Variants in MTERF2 observed in about 807,000 individuals in gnomAD.
MTERF2 encodes transcription termination factor 2, mitochondrial.
In MTERF2, 23 loss-of-function variants were observed where a neutral mutation model predicts 29.2. The observed-to-expected ratio is 0.79, with a 90% confidence interval of 0.57 to 1.12. MTERF2 has a LOEUF of 1.12. MTERF2 is among the 50% of genes most tolerant of loss of function. The probability of loss-of-function intolerance (pLI) is 0.00; values close to 1 mark genes in which losing one functional copy is unlikely to be tolerated. For missense variants in MTERF2, 440 were observed against 429.4 expected, an observed-to-expected ratio of 1.02 and a Z score of -0.22; for synonymous variants, 157 against 159.5, an observed-to-expected ratio of 0.98 and a Z score of 0.12.
chr12:106,977,357 A>C lies in MTERF2; in HGVS notation c.*200T>G, dbSNP rs1350722280. ...ATAATGGTTCAAGGTAAAAGTTACC[A>C]ACCTTATTAAAATAAATATGATTTA... On this transcript the variant is annotated 3_prime_UTR_variant, in exon 3 of 3. Coordinates refer to ENST00000240050, the MANE Select transcript of MTERF2 (RefSeq NM_001033050.3). The C allele has an allele frequency of 2.2e-6, 1 of 463,552 alleles. No homozygotes were observed. The highest frequency in any genetic ancestry group is 4.4e-5 in the South Asian group (1 of 22,644). 28.7% of individuals were successfully genotyped at this position (463,552 alleles called of 1,614,324 possible). A position where few individuals can be genotyped will look rare whatever the true frequency, so the allele number is the denominator to read the frequency against.
In MTERF2 at chr12:106,978,002, C is replaced by T; in HGVS notation, c.713G>A (p.Gly238Asp). The T allele has an allele frequency of 6.2e-7, 1 of 1,614,104 alleles. No individual in the cohort carries two copies. Among genetic ancestry groups the T allele is most frequent in the Non-Finnish European group, 8.5e-7 (1 of 1,180,002 alleles). ...KETLEFLQEQ[G>D]FTSFEILQLL... ...CTGGAGAATTTCAAAGCTGGTGAAA[C>T]CTTGCTCCTGGAGAAATTCTAGTGT... The change falls in exon 3 of 3, where the codon GGT becomes GAT. Residue 238 changes from glycine (G) to aspartate (D), a missense_variant. Transcript: ENST00000240050.
In MTERF2 at chr12:106,978,124, A is replaced by G; in HGVS notation, c.591T>C (p.Asp197=). ...MVRILQESYL[D]VGGSEANMKV... is the part of the protein sequence containing the mutation. ...TCATGTTGGCCTCAGAGCCACCTACATCTAGATAACTCTCTTGGAGAATTC... is the reference window on the plus strand; with the variant it reads ...TCATGTTGGCCTCAGAGCCACCTACGTCTAGATAACTCTCTTGGAGAATTC... The change falls in exon 3 of 3, where the codon GAT becomes GAC. Residue 197 remains aspartate, a synonymous_variant. Transcript: ENST00000240050. 3 of 1,614,176 alleles carry G rather than the reference A, an allele frequency of 1.9e-6. No homozygotes were observed. The highest frequency in any genetic ancestry group is 2.5e-6 in the Non-Finnish European group (3 of 1,180,032).
chr12:106,984,291 C>A (rs776462020), intron 2 of MTERF2, among the ~76,000 whole-genome samples: 1 of 152,190 alleles, frequency 6.6e-6, no homozygotes, highest in Admixed American at 6.5e-5. Flanking sequence ...CTTTTCCCTG[C>A]CCAAACCCTA....
intron 2 of MTERF2, chr12:106,980,724 A>C (rs1163516705): frequency 6.6e-6 from 1 of 152,146 alleles, no homozygotes; most frequent in Non-Finnish European, 1.5e-5. Context: ...CTGAAAGAAA[A>C]GAAGAAAGCA....
Position 106,978,164 on chromosome 12 carries a change from T to C in MTERF2, c.551A>G (p.Asn184Ser). 1 of 1,614,084 alleles carries C rather than the reference T, an allele frequency of 6.2e-7. No individual in the cohort carries two copies. Among genetic ancestry groups the C allele is most frequent in the Non-Finnish European group, 8.5e-7 (1 of 1,180,026 alleles). ...PNVFHNPVEK[N>S]KQMVRILQES... The stretch of plus-strand genomic sequence containing the variant: ...TTGGAGAATTCTTACCATTTGCTTA[T>C]TCTTCTCAACAGGATTATGAAAAAC... The change falls in exon 3 of 3, where the codon AAT becomes AGT. Residue 184 changes from asparagine to serine, a missense_variant. Transcript: ENST00000240050.
Position 106,977,546 on chromosome 12 carries a change from C to A in MTERF2, c.*11G>T. On this transcript the variant is annotated 3_prime_UTR_variant, in exon 3 of 3. Coordinates refer to ENST00000240050, the MANE Select transcript of MTERF2 (RefSeq NM_001033050.3). ...CTGCACTGCTAGAAAGAAGCAACAA[C>A]AGTCAGTATGTCATTCTTCAACATT... 6.3e-7 allele frequency: 1 copy of A among 1,591,156 alleles called. No individual in the cohort carries two copies. The highest frequency in any genetic ancestry group is 8.5e-7 in the Non-Finnish European group (1 of 1,170,660).
At position 106,977,744 on chromosome 12, in the gene MTERF2, TC is replaced by T; in HGVS notation, c.970del (p.Glu324AsnfsTer2). On this transcript the variant is annotated frameshift_variant, in exon 3 of 3. Transcript: ENST00000240050. LOFTEE classifies it high-confidence loss of function. Reference protein sequence around the residue: ...AQIRETPMVLELTPQIVQYRI... With the variant: ...AQIRETPMVLXLTPQIVQYRI... The stretch of plus-strand genomic sequence containing the variant: ...GTACTGTACTATCTGTGGTGTTAAT[TC>T]AAGAACCATTGGCGTCTCTCTTATC... The T allele has an allele frequency of 6.2e-7, 1 of 1,613,996 alleles. No individual in the cohort carries two copies. The highest frequency in any genetic ancestry group is 1.1e-5 in the South Asian group (1 of 91,080).
Position 106,978,183 on chromosome 12 carries a change from G to T in MTERF2, c.532C>A (p.His178Asn). 1 of 1,613,942 alleles carries T rather than the reference G, an allele frequency of 6.2e-7. No individual in the cohort carries two copies. Among genetic ancestry groups the T allele is most frequent in the Non-Finnish European group, 8.5e-7 (1 of 1,180,018 alleles). ...RLLTAAPNVF[H>N]NPVEKNKQMV... The stretch of plus-strand genomic sequence containing the variant: ...TGCTTATTCTTCTCAACAGGATTAT[G>T]AAAAACATTAGGTGCAGCTGTCAAA... The change falls in exon 3 of 3, where the codon CAT (histidine) becomes AAT (asparagine). Residue 178 changes from histidine to asparagine, a missense_variant. Physicochemically the swap from His to Asn is moderately conservative, Grantham distance 68 (BLOSUM62 1). Transcript: ENST00000240050.
chr12:106,978,341 T>A lies in MTERF2; in HGVS notation c.374A>T (p.Asn125Ile). Residue 125 changes from asparagine (N) to isoleucine (I), a missense_variant, in exon 3 of 3, where the codon AAT (asparagine) becomes ATT (isoleucine). Transcript: ENST00000240050. The part of the protein sequence containing the change: ...QRKLWQLVCK[N>I]EEELIKLIEQ... ...TATTAACTTGATTAACTCTTCCTCA[T>A]TTTTGCAGACCAACTGCCAGAGTTT... 6.2e-7 allele frequency: 1 copy of A among 1,614,188 alleles called. No individual in the cohort carries two copies. The highest frequency in any genetic ancestry group is 8.5e-7 in the Non-Finnish European group (1 of 1,180,028).
chr12:106,985,852 G>A (rs1952108336), intron 1 of MTERF2: 1 of 152,180 alleles, frequency 6.6e-6, no homozygotes, highest in Non-Finnish European at 1.5e-5. Context: ...AGGCATACTA[G>A]GCACAGATCT....
chr12:106,979,179 A>G (rs147156270), intron 2 of MTERF2, among the ~76,000 whole-genome samples: 2 of 152,340 alleles, frequency 1.3e-5, no homozygotes, highest in African/African-American at 4.8e-5. Context: ...TTATTTTCAT[A>G]CAAATTCCCT....
chr12:106,982,075 G>C (rs1952058303), intron 2 of MTERF2, among the ~76,000 whole-genome samples: 2 of 152,128 alleles, frequency 1.3e-5, no homozygotes, highest in Admixed American at 1.3e-4. Context: ...CTGTGCAGGA[G>C]CCTCTGTCAG....
chr12:106,983,281 G>T (rs1333220359), intron 2 of MTERF2, among the ~76,000 whole-genome samples: 1 of 152,016 alleles, frequency 6.6e-6, no homozygotes, highest in Non-Finnish European at 1.5e-5. Context: ...CACCAACTCT[G>T]TCTCTGTGCC....
At chr12:106,984,876 A>C (rs1160025305) in intron 2 of MTERF2, among the ~76,000 whole-genome samples, 4 of 152,200 alleles carry the variant, frequency 2.6e-5, no homozygotes, top group Non-Finnish European at 1.5e-5. Context: ...CTTTATCAGC[A>C]GCATGAAAAA....
Position 106,985,155 on chromosome 12 carries a change from T to C in MTERF2, c.-98A>G, listed in dbSNP as rs1019685259. The C allele has an allele frequency of 1.3e-5, 2 of 152,356 alleles. No individual in the cohort carries two copies. The highest frequency in any genetic ancestry group is 6.5e-5 in the Admixed American group (1 of 15,294). The allele number at this position is 152,356 out of a possible 1,614,324, so 9.4% of individuals were successfully genotyped here. On this transcript the variant is annotated 5_prime_UTR_variant, in exon 2 of 3. Coordinates refer to ENST00000240050, the MANE Select transcript of MTERF2 (RefSeq NM_001033050.3). ...CACAGATCTTGTCCTCATCCAGATA[T>C]TCAGTTCATCCACTTGGGATTCTTT...
At chr12:106,979,743 T>C (rs564467169) in intron 2 of MTERF2, among the ~76,000 whole-genome samples, 4 of 152,332 alleles carry the variant, frequency 2.6e-5, no homozygotes, top group Non-Finnish European at 4.4e-5. Context: ...CCACTTGACA[T>C]GTGTAGGTAT....
chr12:106,983,393 T>C (rs749485042), intron 2 of MTERF2, among the ~76,000 whole-genome samples: 1 of 152,240 alleles, frequency 6.6e-6, no homozygotes, highest in Non-Finnish European at 1.5e-5. Context: ...ACTTTTTATA[T>C]GTGGGGTCAT....
chr12:106,980,016 G>GCCTC (rs1382917777), intron 2 of MTERF2, among the ~76,000 whole-genome samples: 1 of 152,098 alleles, frequency 6.6e-6, no homozygotes, highest in Non-Finnish European at 1.5e-5. Context: ...TCCTGCCTCA[G>GCCTC]CCTCCCGAGT....
At chr12:106,986,552 C>T (rs1356618777) in intron 1 of MTERF2, 1 of 152,138 alleles carries the variant, frequency 6.6e-6, no homozygotes, top group African/African-American at 2.4e-5. Flanking sequence ...CCCTGTGCCC[C>T]CACATATAGC....
Sources: gnomAD v4.1 joint callset for allele counts (sites outside exome capture counted in the v4.1 genomes callset) on GRCh38, gnomAD v4.1.1 for gene constraint, MANE v1.5 for transcripts, NCBI Gene and HGNC (gene_info 2026-07-23, HGNC 2026-07-21) for gene names.